The following USP25 variants were observed in gnomAD, a reference collection of about 807,000 sequenced individuals.
The protein encoded by USP25 is ubiquitin specific peptidase 25, also known as ubiquitin carboxyl-terminal hydrolase 25.
Under a neutral mutation model 158.5 loss-of-function variants are expected in USP25, and 85 were observed. That is an observed-to-expected ratio of 0.54 (90% CI 0.45 to 0.64). The LOEUF (loss-of-function observed/expected upper bound fraction) is 0.64, where lower values mean the gene tolerates loss of function less well. USP25 is among the 30% of genes least tolerant of loss of function. The probability of loss-of-function intolerance (pLI) is 0.00; values close to 1 mark genes in which losing one functional copy is unlikely to be tolerated. For missense variants in USP25, 1,242 were observed against 1,327.3 expected (o/e 0.94, Z 1.00); for synonymous variants, 464 against 460.4 (o/e 1.01, Z -0.10).
intron 11 of USP25, among the ~76,000 whole-genome samples, chr21:15,824,708 C>G (rs1243459084): frequency 6.6e-6 from 1 of 152,206 alleles, no homozygotes; most frequent in African/African-American, 2.4e-5. Flanking sequence ...ACACCATCTC[C>G]TGGGTTCAAA....
chr21:15,769,345 C>T (rs943646019), intron 3 of USP25, among the ~76,000 whole-genome samples: 1 of 152,084 alleles, frequency 6.6e-6, no homozygotes. Context: ...ATTTAGAAGT[C>T]GTACACCTCA....
chr21:15,817,147 GTCA>G (rs796136169), intron 9 of USP25, among the ~76,000 whole-genome samples: 280 of 148,566 alleles, frequency 1.9e-3, no homozygotes, highest in African/African-American at 6.4e-3. Context: ...AAAATAAAAT[GTCA>G]TCATCATCAT....
At chr21:15,847,799 C>A in intron 19 of USP25, 23 bp downstream of exon 19, 1 of 1,453,038 alleles carries the variant, frequency 6.9e-7, no homozygotes, top group Non-Finnish European at 9.4e-7. Context: ...GCCCTCTGCA[C>A]CATTGCTACT....
chr21:15,781,653 C>T (rs1159994657), intron 4 of USP25, among the ~76,000 whole-genome samples: 2 of 152,074 alleles, frequency 1.3e-5, no homozygotes, highest in Non-Finnish European at 2.9e-5. Context: ...GGGAGGAGAC[C>T]AAAGTATCCT....
At chr21:15,739,261 C>G (rs1254260043) in intron 1 of USP25, among the ~76,000 whole-genome samples, 1 of 152,006 alleles carries the variant, frequency 6.6e-6, no homozygotes, top group African/African-American at 2.4e-5. Flanking sequence ...TTTGTTCTTG[C>G]TGATCTAAAA....
At position 15,842,578 on chromosome 21, in the gene USP25, G is replaced by T. The variant is rs368863416; in HGVS notation, c.2337+38G>T. 3.9e-5 allele frequency: 63 copies of T among 1,606,652 alleles called. 1 individual carries two copies. The Middle Eastern group carries it at 1.0e-3, about 25-fold the overall frequency. On this transcript the variant is annotated intron_variant, in intron 18 of 25. Coordinates refer to ENST00000400183, the MANE Select transcript of USP25 (RefSeq NM_001283041.3). ...CTTTTGGCTCTCTGAACATAGCCAT[G>T]GTCACGACATTTCCTCCAGTATAGT...
chr21:15,809,201 T>C (rs541692825), intron 8 of USP25, among the ~76,000 whole-genome samples: 2 of 152,254 alleles, frequency 1.3e-5, no homozygotes, highest in African/African-American at 2.4e-5. Flanking sequence ...TCCTTTTACG[T>C]AGAAGCATGA....
intron 1 of USP25, 81 bp downstream of exon 1, chr21:15,730,519 C>T: frequency 3.1e-6 from 4 of 1,281,480 alleles, no homozygotes; most frequent in Non-Finnish European, 4.0e-6. Flanking sequence ...GGCGCCCCGG[C>T]CTCGCCGCCG....
At chr21:15,809,901 A>G (rs1421157032) in intron 8 of USP25, among the ~76,000 whole-genome samples, 1 of 152,188 alleles carries the variant, frequency 6.6e-6, no homozygotes, top group African/African-American at 2.4e-5. Context: ...CCAGTCACAA[A>G]AGGACAGGTA....
chr21:15,800,667 C>G (rs1169197987), intron 6 of USP25, among the ~76,000 whole-genome samples: 3 of 151,270 alleles, frequency 2.0e-5, no homozygotes, highest in Admixed American at 6.6e-5. Flanking sequence ...CATAAACAAT[C>G]TGTAGTCCTA....
intron 9 of USP25, among the ~76,000 whole-genome samples, chr21:15,817,298 T>A (rs2036991557): frequency 6.6e-6 from 1 of 152,200 alleles, no homozygotes; most frequent in South Asian, 2.1e-4. Flanking sequence ...GTGCCCTTCC[T>A]TGCATATATG....
At chr21:15,765,885 T>C (rs1226163677) in intron 2 of USP25, 112 bp from the exon 3 acceptor site, 2 of 1,020,352 alleles carry the variant, frequency 2.0e-6, no homozygotes, top group Non-Finnish European at 2.8e-6. Flanking sequence ...TATAGATTAA[T>C]TGCAAATTTA....
At chr21:15,841,459 A>G (rs1321762024) in intron 17 of USP25, among the ~76,000 whole-genome samples, 2 of 151,942 alleles carry the variant, frequency 1.3e-5, no homozygotes, top group African/African-American at 2.4e-5. Flanking sequence ...ATCTCTTGCC[A>G]TTTCTCCACT....
chr21:15,826,204 ATAT>A lies in USP25; in HGVS notation c.1307_1309del (p.Tyr436del). 6.2e-7 allele frequency: 1 copy of A among 1,613,680 alleles called. No homozygotes were observed. ...CATTTGTACATTTTATGATTAACAG[ATAT>A]TTAAGCTATGGTTCCGGTCCCAAAC... On this transcript the variant is annotated inframe_deletion and splice_region_variant, in exon 13 of 26. Transcript: ENST00000400183. The surrounding 1 kb of genome is among the most constrained non-coding windows in gnomAD (Gnocchi z 4.8).
chr21:15,820,459 A>G (rs966667355), intron 10 of USP25, among the ~76,000 whole-genome samples: 1 of 151,340 alleles, frequency 6.6e-6, no homozygotes, highest in Admixed American at 6.6e-5. Context: ...CATCTAGCCT[A>G]GGGAATATAA....
rs149931391 is a variant in USP25 at position 15,794,612 on chromosome 21, G to C, written c.555+2948G>C. Among the ~76,000 whole-genome samples, 29 of 151,576 alleles carry C rather than the reference G, an allele frequency of 1.9e-4. No individual in the cohort carries two copies. In the East Asian group the frequency reaches 5.6e-3, roughly 29 times the overall value. ...TTCCATTTGGATGCCGAGAAGTAAGGTGCTCATACTTCTCAGTTTGCTTGT... is the reference window on the plus strand; with the variant it reads ...TTCCATTTGGATGCCGAGAAGTAAGCTGCTCATACTTCTCAGTTTGCTTGT... On this transcript the variant is annotated intron_variant, in intron 5 of 25. Transcript: ENST00000400183.
chr21:15,792,970 A>T (rs2035672035), intron 5 of USP25, among the ~76,000 whole-genome samples: 1 of 151,682 alleles, frequency 6.6e-6, no homozygotes, highest in Non-Finnish European at 1.5e-5. Context: ...TAAAATATTG[A>T]TACCTTAGAG....
intron 14 of USP25, among the ~76,000 whole-genome samples, chr21:15,829,836 T>TATAGGAAA (rs1432040825): frequency 6.6e-6 from 1 of 152,144 alleles, no homozygotes; most frequent in Non-Finnish European, 1.5e-5. Flanking sequence ...ATAAGGTTAC[T>TATAGGAAA]AGTTTTCTGA....
intron 21 of USP25, among the ~76,000 whole-genome samples, chr21:15,865,678 T>G (rs1050278305): frequency 7.9e-5 from 12 of 152,146 alleles, no homozygotes; most frequent in Non-Finnish European, 5.9e-5. Context: ...ATTAATGGAG[T>G]AATCACATTG....
Sources: allele counts gnomAD v4.1 joint callset (sites outside exome capture counted in the v4.1 genomes callset), GRCh38; gene constraint gnomAD v4.1.1; non-coding constraint Gnocchi (gnomAD v3.1); transcripts MANE v1.5; gene names NCBI Gene and HGNC (gene_info 2026-07-23, HGNC 2026-07-21).